Variants in GUCD1 observed in about 807,000 individuals in gnomAD.
The protein encoded by GUCD1 is protein GUCD1.
GUCD1 carries 17 observed loss-of-function variants against 28.3 expected under a neutral mutation model. The observed-to-expected ratio is 0.60, with a 90% CI of 0.41 to 0.90. The LOEUF (loss-of-function observed/expected upper bound fraction) is 0.90, where lower values mean the gene tolerates loss of function less well. Ranked by LOEUF, GUCD1 falls within the 40% of genes least tolerant of loss-of-function variation. The probability of loss-of-function intolerance (pLI) is 0.00; values close to 1 mark genes in which losing one functional copy is unlikely to be tolerated. For missense variants in GUCD1, 279 were observed against 305.5 expected (o/e 0.91, Z 0.65); for synonymous variants, 129 against 123.3 (o/e 1.05, Z -0.30).
chr22:24,542,952 C>A lies in GUCD1; in HGVS notation c.*54G>T, dbSNP rs2147065603. 1 of 1,342,894 alleles carries A rather than the reference C, an allele frequency of 7.4e-7. No homozygotes were observed. Among genetic ancestry groups the A allele is most frequent in the Non-Finnish European group, 1.1e-6 (1 of 934,182 alleles). The allele number at this position is 1,342,894 out of a possible 1,614,324, so 83.2% of individuals were successfully genotyped here. On this transcript the variant is annotated 3_prime_UTR_variant, in exon 6 of 6. Coordinates refer to ENST00000435822, the MANE Select transcript of GUCD1 (RefSeq NM_001284254.2). ...CCTGGGCCAGGGCATCCTGAGCGGG[C>A]CCGGCTGGGGTGGGGATGGGGTCCG...
chr22:24,549,054 C>T (rs1236029972), intron 1 of GUCD1, 53 bp from the exon 2 acceptor site: 17 of 1,313,810 alleles, frequency 1.3e-5, no homozygotes, highest in Non-Finnish European at 1.8e-5. Flanking sequence ...CCCACCACTC[C>T]CACCCTCATG....
At chr22:24,544,248 G>C (rs1291484057) in intron 4 of GUCD1, among the ~76,000 whole-genome samples, 165 bp from the exon 5 acceptor site, 3 of 151,848 alleles carry the variant, frequency 2.0e-5, no homozygotes, top group Admixed American at 2.0e-4. Context: ...GCTCAGCCTA[G>C]AGCCAAGCAG....
rs141621665 is a variant in GUCD1 at position 24,543,905 on chromosome 22, C to G, written c.565G>C (p.Val189Leu). The part of the protein sequence containing the change: ...RTPDYQGHFI[V>L]LRGYNRATGC... Reference sequence around the variant, plus strand: ...GTGGCCCGGTTGTAGCCACGCAGCACGATGAAGTGGCCCTGGTAGTCAGGA... The same window carrying G: ...GTGGCCCGGTTGTAGCCACGCAGCAGGATGAAGTGGCCCTGGTAGTCAGGA... The change falls in exon 5 of 6, where the codon GTG becomes CTG. Residue 189 changes from valine (V) to leucine (L), a missense_variant. By Grantham distance (32) the Val-to-Leu change is conservative. Coordinates refer to ENST00000435822, the MANE Select transcript of GUCD1 (RefSeq NM_001284254.2). 5 of 1,613,924 alleles carry G rather than the reference C, an allele frequency of 3.1e-6. No individual in the cohort carries two copies. Among genetic ancestry groups the G allele is most frequent in the Non-Finnish European group, 4.2e-6 (5 of 1,179,978 alleles).
At position 24,548,617 on chromosome 22, in the gene GUCD1, A is replaced by C. The variant is rs138507746; in HGVS notation, c.128+300T>G. On this transcript the variant is annotated intron_variant, in intron 2 of 5. Coordinates refer to ENST00000435822, the MANE Select transcript of GUCD1 (RefSeq NM_001284254.2). ...CACCCCATTCTCCCAGGAGCCAGAA[A>C]CTGGGGAGTGGAGGGCCTCCTATCC... 8.9e-3 allele frequency among the ~76,000 whole-genome samples: 1,355 copies of C among 152,280 alleles called. 7 individuals are homozygous for C. Among genetic ancestry groups the C allele is most frequent in the Non-Finnish European group, 0.015 (1,011 of 68,006 alleles).
chr22:24,547,042 C>G, intron 3 of GUCD1, 37 bp from the exon 4 acceptor site: 1 of 1,499,612 alleles, frequency 6.7e-7, no homozygotes. Flanking sequence ...GGCCACCACC[C>G]AGGCTGCCTT....
chr22:24,554,934 C>T lies in GUCD1; in HGVS notation c.43+15G>A. The T allele has an allele frequency of 1.3e-6, 2 of 1,570,296 alleles. No homozygotes were observed. Among genetic ancestry groups the T allele is most frequent in the Non-Finnish European group, 1.7e-6 (2 of 1,153,066 alleles). On this transcript the variant is annotated intron_variant, in intron 1 of 5. Coordinates refer to ENST00000435822, the MANE Select transcript of GUCD1 (RefSeq NM_001284254.2). ...GTTCCTAGGGTGAAGACTGGGCCCA[C>T]AGAGAGGCACTGACCGGGCTCGAGC...
chr22:24,542,935 AG>A lies in GUCD1; in HGVS notation c.*70del. On this transcript the variant is annotated 3_prime_UTR_variant, in exon 6 of 6. Coordinates refer to ENST00000435822, the MANE Select transcript of GUCD1 (RefSeq NM_001284254.2). ...ACCCCAGCAGCCCCAAGCCTGGGCC[AG>A]GGCATCCTGAGCGGGCCCGGCTGGG... 2 of 1,095,942 alleles carry A rather than the reference AG, an allele frequency of 1.8e-6. No homozygotes were observed. Among genetic ancestry groups the A allele is most frequent in the Non-Finnish European group, 2.8e-6 (2 of 709,822 alleles). The allele number at this position is 1,095,942 out of a possible 1,614,324, so 67.9% of individuals were successfully genotyped here.
chr22:24,542,973 G>T lies in GUCD1; in HGVS notation c.*33C>A. 6.6e-7 allele frequency: 1 copy of T among 1,516,380 alleles called. No homozygotes were observed. The highest frequency in any genetic ancestry group is 9.2e-7 in the Non-Finnish European group (1 of 1,091,454). 93.9% of individuals were successfully genotyped at this position (1,516,380 alleles called of 1,614,324 possible). ...CGGGCCCGGCTGGGGTGGGGATGGG[G>T]TCCGAGGGCCTAGGCGCACCAGGCT... On this transcript the variant is annotated 3_prime_UTR_variant, in exon 6 of 6. Coordinates refer to ENST00000435822, the MANE Select transcript of GUCD1 (RefSeq NM_001284254.2).
At chr22:24,554,893 G>C in intron 1 of GUCD1, 56 bp downstream of exon 1, 2 of 1,401,102 alleles carry the variant, frequency 1.4e-6, no homozygotes, top group Non-Finnish European at 1.0e-6. Context: ...CCCCGCGCTA[G>C]GGAGGGGTCC....
intron 1 of GUCD1, 29 bp downstream of exon 1, chr22:24,554,920 G>T: frequency 6.5e-7 from 1 of 1,535,550 alleles, no homozygotes; most frequent in Non-Finnish European, 8.9e-7. Flanking sequence ...TTCCTAGGGT[G>T]AAGACTGGGC....
At chr22:24,545,627 A>G (rs2044705634) in intron 4 of GUCD1, among the ~76,000 whole-genome samples, 1 of 151,426 alleles carries the variant, frequency 6.6e-6, no homozygotes. Context: ...TTTTTGAGAC[A>G]GAGTCTGTCT....
chr22:24,545,023 TAAA>T (rs771666191), intron 4 of GUCD1, among the ~76,000 whole-genome samples: 3 of 138,254 alleles, frequency 2.2e-5, no homozygotes, highest in Non-Finnish European at 1.6e-5. Context: ...CCCTGTCTCT[TAAA>T]AAAAAAAAAA....
chr22:24,543,987 G>A lies in GUCD1; in HGVS notation c.483C>T (p.Ser161=). The stretch of plus-strand genomic sequence containing the variant: ...TGAAGCAGCAGTACTTGACAGGGCT[G>A]GAGCACAGGTCACAGTGCAGCACCC... ...NSGVLHCDLC[S]SPVKYCCFTP... Residue 161 remains serine, a synonymous_variant, in exon 5 of 6, where the codon TCC becomes TCT. Transcript: ENST00000435822. The A allele has an allele frequency of 6.2e-7, 1 of 1,614,044 alleles. No individual in the cohort carries two copies. Among genetic ancestry groups the A allele is most frequent in the South Asian group, 1.1e-5 (1 of 91,076 alleles).
At position 24,543,902 on chromosome 22, in the gene GUCD1, G is replaced by A. The variant is rs1452072701; in HGVS notation, c.568C>T (p.Leu190=). 2 of 1,613,954 alleles carry A rather than the reference G, an allele frequency of 1.2e-6. No homozygotes were observed. The highest frequency in any genetic ancestry group is 1.7e-5 in the Admixed American group (1 of 59,990). The change falls in exon 5 of 6, where the codon CTG becomes TTG. Residue 190 remains leucine, a synonymous_variant. Coordinates refer to ENST00000435822, the MANE Select transcript of GUCD1 (RefSeq NM_001284254.2). ...TPDYQGHFIV[L]RGYNRATGCI... ...CCAGTGGCCCGGTTGTAGCCACGCAGCACGATGAAGTGGCCCTGGTAGTCA... is the reference window on the plus strand; with the variant it reads ...CCAGTGGCCCGGTTGTAGCCACGCAACACGATGAAGTGGCCCTGGTAGTCA...
intron 3 of GUCD1, 67 bp from the exon 4 acceptor site, chr22:24,547,072 A>G (rs1257132711): frequency 1.6e-6 from 2 of 1,233,440 alleles, no homozygotes; most frequent in Non-Finnish European, 2.4e-6. Flanking sequence ...TAGATGAAGG[A>G]AATAAAGAGC....
At chr22:24,543,778 G>A in intron 5 of GUCD1, 64 bp downstream of exon 5, 1 of 1,574,414 alleles carries the variant, frequency 6.4e-7, no homozygotes, top group Non-Finnish European at 8.7e-7. Context: ...GGAACTGTGG[G>A]CACTGGGCAT....
Position 24,544,002 on chromosome 22 carries a change from G to C in GUCD1, c.468C>G (p.His156Gln). The change falls in exon 5 of 6, where the codon CAC (histidine) becomes CAG (glutamine). Residue 156 changes from histidine to glutamine, a missense_variant. His to Gln is a conservative substitution (Grantham distance 24). Transcript: ENST00000435822. Reference protein sequence around the residue: ...AIVLVNSGVLHCDLCSSPVKY... With the variant: ...AIVLVNSGVLQCDLCSSPVKY... The stretch of plus-strand genomic sequence containing the variant: ...TGACAGGGCTGGAGCACAGGTCACA[G>C]TGCAGCACCCCCGAGTTCACCAGCA... The C allele has an allele frequency of 6.2e-7, 1 of 1,614,040 alleles. No homozygotes were observed. Among genetic ancestry groups the C allele is most frequent in the South Asian group, 1.1e-5 (1 of 91,076 alleles).
At chr22:24,555,746 G>C, upstream of GUCD1, 3 of 1,550,650 alleles carry the variant, frequency 1.9e-6, no homozygotes, top group Non-Finnish European at 2.6e-6. Flanking sequence ...CCTTGGTGTG[G>C]GGTGCTTGGA....
At chr22:24,545,143 C>A (rs2044694380) in intron 4 of GUCD1, among the ~76,000 whole-genome samples, 1 of 152,146 alleles carries the variant, frequency 6.6e-6, no homozygotes, top group Non-Finnish European at 1.5e-5. Flanking sequence ...GCTGCTCACC[C>A]ACTTGGGGCC....
Sources: gnomAD v4.1 joint callset for allele counts (sites outside exome capture counted in the v4.1 genomes callset) on GRCh38, gnomAD v4.1.1 for gene constraint, MANE v1.5 for transcripts, NCBI Gene and HGNC (gene_info 2026-07-23, HGNC 2026-07-21) for gene names.